NAALADL2: variants seen among roughly 807,000 people sequenced by gnomAD.
NAALADL2 encodes the protein N-acetylated alpha-linked acidic dipeptidase like 2.
A neutral mutation model predicts 87.2 loss-of-function variants in NAALADL2; 76 were observed. The ratio of observed to expected loss-of-function variants is 0.87; its 90% CI spans 0.72 to 1.05. The LOEUF (loss-of-function observed/expected upper bound fraction) is 1.05, where lower values mean the gene tolerates loss of function less well. Among genes scored for constraint, NAALADL2 ranks in the 50% least tolerant of loss-of-function variants. NAALADL2 has a pLI of 0.00. For synonymous variants in NAALADL2, 354 were observed against 331.0 expected (o/e 1.07, Z -0.75); for missense variants, 1,089 against 945.8 (o/e 1.15, Z -1.99).
intron 2 of NAALADL2, among the ~76,000 whole-genome samples, chr3:174,729,958 C>T (rs1732552604): frequency 6.6e-6 from 1 of 152,008 alleles, no homozygotes; most frequent in African/African-American, 2.4e-5. Context: ...AAGACAGGCT[C>T]TTGTCTAATT....
chr3:175,076,165 T>C (rs895476429), intron 1 of NAALADL2, among the ~76,000 whole-genome samples: 1 of 152,022 alleles, frequency 6.6e-6, no homozygotes, highest in African/African-American at 2.4e-5. Context: ...GAGGTGGAAG[T>C]TGCAATGAGC....
At chr3:175,122,684 C>T (rs1263096851) in intron 2 of NAALADL2, among the ~76,000 whole-genome samples, 6 of 151,732 alleles carry the variant, frequency 4.0e-5, no homozygotes, top group East Asian at 1.9e-4. Context: ...TTATTATCTC[C>T]TCCCATTCTC....
chr3:175,131,196 G>A (rs543500017), intron 2 of NAALADL2, among the ~76,000 whole-genome samples: 108 of 143,080 alleles, frequency 7.5e-4, no homozygotes, highest in Non-Finnish European at 1.3e-3. Context: ...GGTGTTTCTC[G>A]CAGAGGGGGA....
intron 3 of NAALADL2, among the ~76,000 whole-genome samples, chr3:175,240,336 G>A (rs528382882): frequency 9.9e-5 from 15 of 152,188 alleles, no homozygotes. Context: ...TTCTCAGAAA[G>A]TCTCAAAGAG....
chr3:175,451,512 A>G (rs1180206055), intron 6 of NAALADL2, among the ~76,000 whole-genome samples: 2 of 152,168 alleles, frequency 1.3e-5, no homozygotes, highest in African/African-American at 4.8e-5. Flanking sequence ...CAGTCAAAAC[A>G]TGGAAAGCTT....
At chr3:175,086,715 A>G (rs1719007755) in intron 1 of NAALADL2, among the ~76,000 whole-genome samples, 1 of 152,234 alleles carries the variant, frequency 6.6e-6, no homozygotes, top group South Asian at 2.1e-4. Flanking sequence ...AATATAAATG[A>G]CATAAGAATT....
intron 1 of NAALADL2, among the ~76,000 whole-genome samples, chr3:174,980,377 A>G (rs1322007915): frequency 6.6e-6 from 1 of 152,172 alleles, no homozygotes; most frequent in African/African-American, 2.4e-5. Flanking sequence ...GTATGCCCCT[A>G]TAGTCCCAGC....
At position 175,803,319 on chromosome 3, in the gene NAALADL2, A is replaced by G; in HGVS notation, c.*116A>G. The G allele has an allele frequency of 1.7e-6, 1 of 601,908 alleles. No individual in the cohort carries two copies. The highest frequency in any genetic ancestry group is 2.8e-6 in the Non-Finnish European group (1 of 358,350). 37.3% of individuals were successfully genotyped at this position (601,908 alleles called of 1,614,324 possible). A position where few individuals can be genotyped will look rare whatever the true frequency, so the allele number is the denominator to read the frequency against. Reference sequence around the variant, plus strand: ...TCCCCAATGGCTTTTTGACAAGTATAAAGCTATTATTACATTGTATTTTTT... The same window carrying G: ...TCCCCAATGGCTTTTTGACAAGTATGAAGCTATTATTACATTGTATTTTTT... On this transcript the variant is annotated 3_prime_UTR_variant, in exon 14 of 14. Transcript: ENST00000454872.
chr3:175,530,054 G>C (rs1256236591), intron 9 of NAALADL2, among the ~76,000 whole-genome samples: 1 of 152,178 alleles, frequency 6.6e-6, no homozygotes, highest in Non-Finnish European at 1.5e-5. Flanking sequence ...GACTTGGTGA[G>C]TGAAAGTCCA....
At chr3:175,078,783 C>A (rs1160578378) in intron 1 of NAALADL2, among the ~76,000 whole-genome samples, 6 of 152,180 alleles carry the variant, frequency 3.9e-5, no homozygotes, top group African/African-American at 1.4e-4. Flanking sequence ...ATTTTTATTG[C>A]TGAATAATAT....
intron 1 of NAALADL2, among the ~76,000 whole-genome samples, chr3:174,454,000 G>A (rs775361589): frequency 3.3e-5 from 5 of 151,980 alleles, no homozygotes; most frequent in Non-Finnish European, 7.4e-5. Context: ...TGCTGTCTTC[G>A]GAAGACCTAT....
intron 11 of NAALADL2, among the ~76,000 whole-genome samples, chr3:175,660,257 A>T (rs1732071363): frequency 6.6e-6 from 1 of 152,164 alleles, no homozygotes; most frequent in South Asian, 2.1e-4. Flanking sequence ...AAACATTCAC[A>T]CTATAGCACC....
At chr3:174,611,923 C>CTT (rs796158684) in intron 2 of NAALADL2, among the ~76,000 whole-genome samples, 1 of 144,842 alleles carries the variant, frequency 6.9e-6, no homozygotes, top group Non-Finnish European at 1.5e-5. Context: ...GATTAATGTC[C>CTT]TTTTTTTTTT....
At chr3:174,773,586 T>C (rs751869005) in intron 3 of NAALADL2, among the ~76,000 whole-genome samples, 4 of 152,166 alleles carry the variant, frequency 2.6e-5, no homozygotes, top group Non-Finnish European at 5.9e-5. Context: ...CTTCAAGATA[T>C]ACTTAAATTT....
At chr3:175,273,265 C>A (rs1194022212) in intron 4 of NAALADL2, among the ~76,000 whole-genome samples, 2 of 152,010 alleles carry the variant, frequency 1.3e-5, no homozygotes, top group Non-Finnish European at 2.9e-5. Flanking sequence ...TATTTATGTT[C>A]TCTTACAATT....
chr3:174,907,492 AT>A (rs576721100), intron 1 of NAALADL2, among the ~76,000 whole-genome samples: 50 of 152,222 alleles, frequency 3.3e-4, no homozygotes, highest in Admixed American at 3.0e-3. Flanking sequence ...TTGTACTAAT[AT>A]TTCAAAACTG....
chr3:175,575,257 T>C (rs543906616), intron 9 of NAALADL2, among the ~76,000 whole-genome samples: 55 of 152,202 alleles, frequency 3.6e-4, no homozygotes, highest in African/African-American at 1.2e-3. Flanking sequence ...AAGTTTCTTC[T>C]CTAGTTTTTT....
At chr3:174,760,735 C>T (rs1185587892) in intron 3 of NAALADL2, among the ~76,000 whole-genome samples, 1 of 152,124 alleles carries the variant, frequency 6.6e-6, no homozygotes, top group Non-Finnish European at 1.5e-5. Context: ...GGCTGTGACT[C>T]GGAGTTGGTA....
intron 9 of NAALADL2, among the ~76,000 whole-genome samples, chr3:175,484,506 A>G (rs947104511): frequency 2.0e-5 from 3 of 152,154 alleles, no homozygotes; most frequent in Admixed American, 6.6e-5. Context: ...AGAAAATAAC[A>G]TAAGTCAACT....
Sources: allele counts gnomAD v4.1 joint callset (sites outside exome capture counted in the v4.1 genomes callset), GRCh38; gene constraint gnomAD v4.1.1; transcripts MANE v1.5; gene names NCBI Gene and HGNC (gene_info 2026-07-23, HGNC 2026-07-21).